The following GRID2 variants were observed in gnomAD, a reference collection of about 807,000 sequenced individuals.
GRID2 encodes the protein glutamate receptor ionotropic, delta-2.
A neutral mutation model predicts 114.8 loss-of-function variants in GRID2; 33 were observed. The ratio of observed to expected loss-of-function variants is 0.29; its 90% confidence interval spans 0.22 to 0.38. The LOEUF is 0.38. Among genes scored for constraint, GRID2 ranks in the 10% least tolerant of loss-of-function variants. GRID2 has a pLI of 1.00. For synonymous variants in GRID2, 505 were observed against 449.9 expected (o/e 1.12, Z -1.55); for missense variants, 1,184 against 1,257.7 (o/e 0.94, Z 0.89).
intron 1 of GRID2, among the ~76,000 whole-genome samples, chr4:92,483,497 A>C (rs1419515094): frequency 6.6e-6 from 1 of 152,166 alleles, no homozygotes; most frequent in Non-Finnish European, 1.5e-5. Flanking sequence ...CAAGACAGTC[A>C]ATATGTATGT....
At chr4:92,442,900 T>C (rs181139017) in intron 1 of GRID2, among the ~76,000 whole-genome samples, 7,735 of 151,180 alleles carry the variant, frequency 0.051, 246 homozygotes, top group African/African-American at 0.087. Context: ...GGGCTAGTCA[T>C]GGAAGGAAAC....
intron 4 of GRID2, among the ~76,000 whole-genome samples, chr4:93,120,209 C>A (rs894974586): frequency 1.3e-5 from 2 of 152,036 alleles, no homozygotes; most frequent in Non-Finnish European, 2.9e-5. Flanking sequence ...GATCTAGAAC[C>A]AGAAATACCA....
At chr4:92,615,811 A>G (rs558299757) in intron 2 of GRID2, among the ~76,000 whole-genome samples, 10 of 151,720 alleles carry the variant, frequency 6.6e-5, no homozygotes, top group African/African-American at 2.2e-4. Context: ...GGTATACAAT[A>G]TGTGCCTTAA....
chr4:93,145,773 G>A (rs1736166167), intron 4 of GRID2, among the ~76,000 whole-genome samples: 1 of 145,632 alleles, frequency 6.9e-6, no homozygotes, highest in African/African-American at 2.5e-5. Flanking sequence ...TGTGATTACA[G>A]GTGTGAACCA....
At chr4:93,680,132 A>G (rs1450579778) in intron 14 of GRID2, among the ~76,000 whole-genome samples, 1 of 151,700 alleles carries the variant, frequency 6.6e-6, no homozygotes, top group Non-Finnish European at 1.5e-5. Context: ...AACTACCATC[A>G]GAGAATACTA....
intron 1 of GRID2, among the ~76,000 whole-genome samples, chr4:92,316,449 T>G (rs1725985230): frequency 6.6e-6 from 1 of 152,180 alleles, no homozygotes; most frequent in Non-Finnish European, 1.5e-5. Context: ...GCTGAGAAAT[T>G]ATGACTCAAA....
intron 8 of GRID2, among the ~76,000 whole-genome samples, chr4:93,292,396 G>C (rs1162467820): frequency 6.6e-6 from 1 of 152,142 alleles, no homozygotes; most frequent in Non-Finnish European, 1.5e-5. Context: ...TTTGGTAATA[G>C]AAAAAGATAC....
At chr4:92,653,005 T>C (rs1023846818) in intron 2 of GRID2, among the ~76,000 whole-genome samples, 4 of 127,314 alleles carry the variant, frequency 3.1e-5, no homozygotes, top group Admixed American at 7.9e-5. Flanking sequence ...TATATATAAA[T>C]ACATATATAT....
intron 1 of GRID2, among the ~76,000 whole-genome samples, chr4:92,467,125 T>C (rs916246657): frequency 1.3e-5 from 2 of 151,798 alleles, no homozygotes; most frequent in African/African-American, 4.8e-5. Flanking sequence ...AAAAAGCGAA[T>C]GTTAAAAATG....
intron 2 of GRID2, among the ~76,000 whole-genome samples, chr4:92,957,681 T>G (rs538380028): frequency 2.0e-5 from 3 of 152,028 alleles, no homozygotes; most frequent in Non-Finnish European, 2.9e-5. Context: ...TTAGTAGATA[T>G]CTACAAAATA....
At chr4:92,349,164 A>G (rs1480540171) in intron 1 of GRID2, among the ~76,000 whole-genome samples, 2 of 152,062 alleles carry the variant, frequency 1.3e-5, no homozygotes, top group East Asian at 1.9e-4. Context: ...TCTGAAGTAT[A>G]TTTCAAAAAG....
chr4:92,428,248 C>G (rs990874646), intron 1 of GRID2, among the ~76,000 whole-genome samples: 2 of 151,792 alleles, frequency 1.3e-5, no homozygotes. Context: ...GGCAACAGAA[C>G]GAGACTCCTC....
intron 14 of GRID2, among the ~76,000 whole-genome samples, chr4:93,669,871 A>C (rs1724255142): frequency 6.6e-6 from 1 of 152,140 alleles, no homozygotes. Flanking sequence ...TCATTACTAC[A>C]AAATTTGAAG....
intron 14 of GRID2, among the ~76,000 whole-genome samples, chr4:93,718,754 G>A (rs1729114907): frequency 6.6e-6 from 1 of 151,998 alleles, no homozygotes; most frequent in Non-Finnish European, 1.5e-5. Context: ...CAGTACAGAG[G>A]ATAAAACACA....
intron 2 of GRID2, among the ~76,000 whole-genome samples, chr4:92,759,918 G>A (rs1358126408): frequency 6.6e-6 from 1 of 151,606 alleles, no homozygotes; most frequent in African/African-American, 2.4e-5. Flanking sequence ...GCACGACAGT[G>A]CTCAGCCTGC....
At chr4:92,525,761 A>T (rs1725010277) in intron 1 of GRID2, among the ~76,000 whole-genome samples, 1 of 152,096 alleles carries the variant, frequency 6.6e-6, no homozygotes, top group South Asian at 2.1e-4. Flanking sequence ...TAAGCAGGTG[A>T]AGATGCAGAG....
At chr4:92,675,901 A>T (rs1733333607) in intron 2 of GRID2, among the ~76,000 whole-genome samples, 1 of 151,892 alleles carries the variant, frequency 6.6e-6, no homozygotes, top group South Asian at 2.1e-4. Context: ...CCCAGGTAGA[A>T]AGCCAAGCTG....
intron 1 of GRID2, among the ~76,000 whole-genome samples, chr4:92,412,467 A>G (rs1731386305): frequency 6.6e-6 from 1 of 152,140 alleles, no homozygotes; most frequent in Non-Finnish European, 1.5e-5. Flanking sequence ...TTTTCTCTAG[A>G]AAACAATGTT....
At chr4:92,686,332 A>C (rs982858944) in intron 2 of GRID2, among the ~76,000 whole-genome samples, 3 of 152,130 alleles carry the variant, frequency 2.0e-5, no homozygotes, top group South Asian at 4.1e-4. Flanking sequence ...ATAATAATAA[A>C]ATTTTAAATG....
Sources: allele counts gnomAD v4.1 joint callset (sites outside exome capture counted in the v4.1 genomes callset), GRCh38; gene constraint gnomAD v4.1.1; transcripts MANE v1.5; gene names NCBI Gene and HGNC (gene_info 2026-07-23, HGNC 2026-07-21).